Variants in COBL observed in about 807,000 individuals in gnomAD.
COBL encodes cordon-bleu WH2 repeat protein.
A neutral mutation model predicts 98.8 loss-of-function variants in COBL; 51 were observed. The observed-to-expected ratio is 0.52, with a 90% CI of 0.41 to 0.65. COBL has a LOEUF of 0.65. Ranked by LOEUF, COBL falls within the 30% of genes least tolerant of loss-of-function variation. The pLI is 0.00. For missense variants in COBL, 1,617 were observed against 1,617.5 expected (o/e 1.00, Z 0.01); for synonymous variants, 634 against 651.7 (o/e 0.97, Z 0.41).
chr7:51,237,051 T>C (rs1795320479), intron 1 of COBL, among the ~76,000 whole-genome samples: 1 of 132,124 alleles, frequency 7.6e-6, no homozygotes, highest in Non-Finnish European at 1.8e-5. Context: ...TCCTTGCAGT[T>C]TCTCCCTGAC....
intron 1 of COBL, among the ~76,000 whole-genome samples, chr7:51,261,251 G>A (rs372004178): frequency 2.6e-5 from 4 of 152,126 alleles, no homozygotes; most frequent in Non-Finnish European, 5.9e-5. Context: ...GGTGGCACAC[G>A]CCTATAAAAA....
intron 6 of COBL, 141 bp from the exon 7 acceptor site, chr7:51,085,445 T>G: frequency 1.1e-6 from 1 of 887,922 alleles, no homozygotes; most frequent in Non-Finnish European, 1.7e-6. Context: ...GATGGCCAGT[T>G]CCCTTTCCAG....
At chr7:51,315,703 C>T (rs929265263) in intron 1 of COBL, among the ~76,000 whole-genome samples, 3 of 151,938 alleles carry the variant, frequency 2.0e-5, no homozygotes, top group Non-Finnish European at 2.9e-5. Context: ...GCCCAGCCTG[C>T]ACCGCTGGCC....
chr7:51,174,352 T>C (rs993514336), intron 5 of COBL, among the ~76,000 whole-genome samples: 4 of 151,708 alleles, frequency 2.6e-5, no homozygotes, highest in Non-Finnish European at 5.9e-5. Context: ...CCTCAAACCA[T>C]AAAAATCAAG....
intron 5 of COBL, among the ~76,000 whole-genome samples, chr7:51,166,491 C>T (rs957622168): frequency 2.5e-4 from 38 of 151,998 alleles, no homozygotes; most frequent in African/African-American, 8.9e-4. Flanking sequence ...AAGCCTGAGG[C>T]CTGGTGTCTT....
rs369421469 is a variant in COBL at position 51,074,191 on chromosome 7, A to ATTTTT, written c.1096+10970_1096+10974dup. Among the ~76,000 whole-genome samples, 223 of 100,496 alleles carry ATTTTT rather than the reference A, an allele frequency of 2.2e-3. 2 individuals carry two copies. The highest frequency in any genetic ancestry group is 2.4e-3 in the Admixed American group (19 of 7,804). The allele number at this position is 100,496 out of a possible 152,430, so 65.9% of individuals were successfully genotyped here. On this transcript the variant is annotated intron_variant, in intron 7 of 12. Transcript: ENST00000265136. The stretch of plus-strand genomic sequence containing the variant: ...TCTTAACTAGTAAAACAAGGTAATG[A>ATTTTT]TTTTTTTTTTTTTTTTTTTTTTTGA...
chr7:51,153,077 T>C (rs1261802025), intron 5 of COBL, among the ~76,000 whole-genome samples: 1 of 152,246 alleles, frequency 6.6e-6, no homozygotes, highest in Non-Finnish European at 1.5e-5. Flanking sequence ...TAGAATTTAC[T>C]CTGGATTCTA....
chr7:51,138,369 A>C (rs1324703567), intron 5 of COBL, among the ~76,000 whole-genome samples: 2 of 152,240 alleles, frequency 1.3e-5, no homozygotes, highest in Non-Finnish European at 2.9e-5. Flanking sequence ...GGGAGGACTC[A>C]GGGAGATGCA....
chr7:51,282,920 T>C (rs150723749), intron 1 of COBL, among the ~76,000 whole-genome samples: 1 of 152,098 alleles, frequency 6.6e-6, no homozygotes, highest in East Asian at 1.9e-4. Context: ...CTATAAACAC[T>C]TGGAAATGTA....
intron 6 of COBL, among the ~76,000 whole-genome samples, chr7:51,093,022 T>A (rs1374021323): frequency 6.6e-6 from 1 of 152,132 alleles, no homozygotes; most frequent in African/African-American, 2.4e-5. Context: ...CAAAAATTCA[T>A]AAATAGGAAT....
In COBL at chr7:51,180,668, A is replaced by G. The variant is rs566749814; in HGVS notation, c.783+3434T>C. Among the ~76,000 whole-genome samples the G allele has an allele frequency of 1.1e-4, 16 of 152,360 alleles. No homozygotes were observed. In the South Asian group the frequency reaches 3.1e-3, roughly 30 times the overall value. ...GAGGAACTGGAAAAATTATTTTTCA[A>G]TAACCCACCTGTTATTCAGTTCTAG... On this transcript the variant is annotated intron_variant, in intron 5 of 12. Coordinates refer to ENST00000265136, the MANE Select transcript of COBL (RefSeq NM_015198.5).
At chr7:51,199,024 A>C (rs1790862292) in intron 2 of COBL, among the ~76,000 whole-genome samples, 2 of 152,300 alleles carry the variant, frequency 1.3e-5, no homozygotes, top group Admixed American at 6.5e-5. Flanking sequence ...AACCACAAGG[A>C]GCTGTGGTGC....
intron 1 of COBL, among the ~76,000 whole-genome samples, chr7:51,250,772 T>C (rs1327179759): frequency 6.6e-6 from 1 of 152,222 alleles, no homozygotes; most frequent in Admixed American, 6.5e-5. Flanking sequence ...CACAAAGCTA[T>C]GGATGCACAG....
At chr7:51,198,424 T>C (rs549533023) in intron 2 of COBL, among the ~76,000 whole-genome samples, 6 of 152,308 alleles carry the variant, frequency 3.9e-5, no homozygotes, top group Admixed American at 2.0e-4. Context: ...TTTTTCTCTC[T>C]AGCTGCCTTT....
intron 1 of COBL, among the ~76,000 whole-genome samples, chr7:51,250,664 G>A (rs1796648136): frequency 6.6e-6 from 1 of 152,206 alleles, no homozygotes; most frequent in Admixed American, 6.5e-5. Context: ...TTACGAAGTT[G>A]TCCTTGAACC....
chr7:51,184,052 G>A (rs756958878), intron 5 of COBL, 50 bp downstream of exon 5: 5 of 940,274 alleles, frequency 5.3e-6, no homozygotes, highest in Non-Finnish European at 3.2e-6. Flanking sequence ...TATTTCAAGA[G>A]ACTATTTTTT....
chr7:51,137,050 G>A (rs1166609809), intron 5 of COBL, among the ~76,000 whole-genome samples: 1 of 152,052 alleles, frequency 6.6e-6, no homozygotes, highest in Non-Finnish European at 1.5e-5. Flanking sequence ...GTAAGTGCTA[G>A]TGCAGAAAGC....
intron 5 of COBL, among the ~76,000 whole-genome samples, chr7:51,164,172 T>G (rs1787079334): frequency 6.6e-6 from 1 of 152,196 alleles, no homozygotes; most frequent in Admixed American, 6.5e-5. Context: ...AAAATCAAAT[T>G]TATTAATATT....
intron 7 of COBL, chr7:51,083,312 C>T (rs1270124262): frequency 6.0e-6 from 6 of 993,344 alleles, no homozygotes; most frequent in African/African-American, 1.6e-5. Flanking sequence ...TCACTGGGCA[C>T]CAGATCCAGC....
Sources: gnomAD v4.1 joint callset for allele counts (sites outside exome capture counted in the v4.1 genomes callset) on GRCh38, gnomAD v4.1.1 for gene constraint, MANE v1.5 for transcripts, NCBI Gene and HGNC (gene_info 2026-07-23, HGNC 2026-07-21) for gene names.